KCNH1: variants seen among roughly 807,000 people sequenced by gnomAD.
The protein encoded by KCNH1 is voltage-gated delayed rectifier potassium channel KCNH1.
A neutral mutation model predicts 69.2 loss-of-function variants in KCNH1; 27 were observed. That is an observed-to-expected ratio of 0.39 (90% confidence interval 0.29 to 0.54). The LOEUF (loss-of-function observed/expected upper bound fraction) is 0.54. KCNH1 is among the 20% of genes least tolerant of loss of function. KCNH1 has a pLI of 0.68. For missense variants in KCNH1, 798 were observed against 1,261.6 expected, an observed-to-expected ratio of 0.63 and a Z score of 5.57; for synonymous variants, 456 against 487.7, an observed-to-expected ratio of 0.93 and a Z score of 0.86.
At chr1:211,045,483 A>T (rs1361504737) in intron 5 of KCNH1, among the ~76,000 whole-genome samples, 2 of 152,136 alleles carry the variant, frequency 1.3e-5, no homozygotes, top group African/African-American at 4.8e-5. Flanking sequence ...GCAGCTAAAT[A>T]AAAAGATCCA....
chr1:211,049,734 G>A (rs1317484181), intron 5 of KCNH1, among the ~76,000 whole-genome samples: 1 of 152,154 alleles, frequency 6.6e-6, no homozygotes, highest in African/African-American at 2.4e-5. Context: ...AGAAAGAAAA[G>A]ACACAGGCTT....
At chr1:210,831,362 C>T (rs1685158924) in intron 7 of KCNH1, among the ~76,000 whole-genome samples, 1 of 152,186 alleles carries the variant, frequency 6.6e-6, no homozygotes, top group Non-Finnish European at 1.5e-5. Context: ...AATTCTTTTA[C>T]TAGGCATAAT....
chr1:211,033,934 C>T (rs1571594853), intron 5 of KCNH1, among the ~76,000 whole-genome samples: 1 of 151,474 alleles, frequency 6.6e-6, no homozygotes, highest in East Asian at 1.9e-4. Flanking sequence ...AAAGTGACAA[C>T]ACCAACTGCT....
intron 6 of KCNH1, among the ~76,000 whole-genome samples, chr1:210,992,101 C>T (rs1688948993): frequency 6.6e-6 from 1 of 152,206 alleles, no homozygotes; most frequent in African/African-American, 2.4e-5. Flanking sequence ...TAAATGCTAA[C>T]AATGTGGGCA....
At chr1:210,847,826 AAAG>A in intron 7 of KCNH1, among the ~76,000 whole-genome samples, 1 of 152,240 alleles carries the variant, frequency 6.6e-6, no homozygotes, top group Admixed American at 6.5e-5. Context: ...GGGAAAAAAA[AAAG>A]AAATTTTTTA....
intron 6 of KCNH1, among the ~76,000 whole-genome samples, chr1:211,000,749 C>G (rs1262312850): frequency 2.0e-5 from 3 of 152,194 alleles, no homozygotes; most frequent in Admixed American, 2.0e-4. Flanking sequence ...ATCACGCTAC[C>G]TGACTTCAAA....
intron 7 of KCNH1, among the ~76,000 whole-genome samples, chr1:210,918,194 C>T (rs145088706): frequency 7.1e-4 from 108 of 152,288 alleles, no homozygotes; most frequent in East Asian, 7.7e-4. Flanking sequence ...ACTCACAAAG[C>T]GGGATGCTGA....
At position 210,797,551 on chromosome 1, in the gene KCNH1, G is replaced by A; in HGVS notation, c.1872C>T (p.Gly624=). The A allele has an allele frequency of 3.1e-6, 5 of 1,614,168 alleles. No homozygotes were observed. Among genetic ancestry groups the A allele is most frequent in the Non-Finnish European group, 4.2e-6 (5 of 1,180,016 alleles). Residue 624 remains glycine, a synonymous_variant, in exon 9 of 11, where the codon GGC becomes GGT. Transcript: ENST00000271751. ...CATCATCTTGGATCACCTCCAGGGA[G>A]CCAGAAACCACAAAGCAGAGGCTGT... ...SVDSLCFVVS[G]SLEVIQDDEV...
At chr1:211,019,357 G>T in intron 5 of KCNH1, 101 bp from the exon 6 acceptor site, 1 of 716,630 alleles carries the variant, frequency 1.4e-6, no homozygotes, top group Non-Finnish European at 2.3e-6. Flanking sequence ...CAATACTCTG[G>T]ATAAATCGTC....
intron 7 of KCNH1, among the ~76,000 whole-genome samples, chr1:210,829,111 A>T (rs565782615): frequency 6.6e-6 from 1 of 152,168 alleles, no homozygotes; most frequent in African/African-American, 2.4e-5. Context: ...GGACTGACAC[A>T]CGGGGCACTC....
At chr1:211,067,925 T>A (rs369000519) in intron 5 of KCNH1, among the ~76,000 whole-genome samples, 12 of 152,274 alleles carry the variant, frequency 7.9e-5, no homozygotes, top group African/African-American at 2.6e-4. Flanking sequence ...CCGCTCCAGG[T>A]TTAGAGGATT....
intron 10 of KCNH1, among the ~76,000 whole-genome samples, chr1:210,760,061 AC>A (rs1425504260): frequency 1.3e-5 from 2 of 152,140 alleles, no homozygotes; most frequent in Non-Finnish European, 2.9e-5. Context: ...CACACTCCTT[AC>A]GAGATGAAAC....
At chr1:210,833,558 T>C (rs1685213604) in intron 7 of KCNH1, among the ~76,000 whole-genome samples, 1 of 152,136 alleles carries the variant, frequency 6.6e-6, no homozygotes, top group South Asian at 2.1e-4. Context: ...GACTTAAACG[T>C]TAGACCTAAA....
At chr1:211,116,824 T>C (rs999168084) in intron 1 of KCNH1, among the ~76,000 whole-genome samples, 3 of 152,178 alleles carry the variant, frequency 2.0e-5, no homozygotes, top group African/African-American at 7.2e-5. Context: ...CAGTAACTCA[T>C]GGTCTAGAAG....
intron 6 of KCNH1, among the ~76,000 whole-genome samples, chr1:210,984,369 C>T (rs1168786741): frequency 3.3e-5 from 5 of 152,116 alleles, no homozygotes; most frequent in African/African-American, 9.7e-5. Context: ...AAAGGGAATG[C>T]TTCCAGTTTT....
chr1:210,716,431 C>CAAAAAAAAAAAAAAAAA (rs58725705), intron 10 of KCNH1, among the ~76,000 whole-genome samples: 3 of 91,976 alleles, frequency 3.3e-5, no homozygotes, highest in African/African-American at 4.8e-5. Context: ...GACTCCGTCT[C>CAAAAAAAAAAAAAAAAA]AAAAAAAAAA....
intron 10 of KCNH1, among the ~76,000 whole-genome samples, chr1:210,757,752 C>T (rs545990904): frequency 8.7e-4 from 132 of 152,350 alleles, no homozygotes; most frequent in African/African-American, 2.9e-3. Context: ...CATTCTGCTC[C>T]ATTGTTTAAT....
chr1:210,953,806 C>T (rs562785525), intron 6 of KCNH1, among the ~76,000 whole-genome samples: 1 of 152,252 alleles, frequency 6.6e-6, no homozygotes, highest in East Asian at 1.9e-4. Flanking sequence ...TGCCTCTCTC[C>T]CTACTGACCT....
In KCNH1 at chr1:210,734,478, G is replaced by A. The variant is rs551308137; in HGVS notation, c.2112+40870C>T. Reference sequence around the variant, plus strand: ...AAAACAGCAACATTTCTTTCTTCAAGTCCTACATTTTATCTTACAATTAGG... The same window carrying A: ...AAAACAGCAACATTTCTTTCTTCAAATCCTACATTTTATCTTACAATTAGG... On this transcript the variant is annotated intron_variant, in intron 10 of 10. Coordinates refer to ENST00000271751, the MANE Select transcript of KCNH1 (RefSeq NM_172362.3). Among the ~76,000 whole-genome samples, 4 of 152,286 alleles carry A rather than the reference G, an allele frequency of 2.6e-5. No homozygotes were observed. The South Asian group carries it at 8.3e-4, about 32-fold the overall frequency.
Sources: allele counts gnomAD v4.1 joint callset (sites outside exome capture counted in the v4.1 genomes callset), GRCh38; gene constraint gnomAD v4.1.1; transcripts MANE v1.5; gene names NCBI Gene and HGNC (gene_info 2026-07-23, HGNC 2026-07-21).